Variants in GAS7 observed in about 807,000 individuals in gnomAD.
GAS7 encodes growth arrest-specific protein 7.
Under a neutral mutation model 71.1 loss-of-function variants are expected in GAS7, and 28 were observed. The observed-to-expected ratio is 0.39, with a 90% CI of 0.29 to 0.54. GAS7 has a LOEUF of 0.54. GAS7 is among the 20% of genes least tolerant of loss of function. The pLI, the probability that GAS7 is intolerant of heterozygous loss-of-function variation, is 0.62. For missense variants in GAS7, 436 were observed against 627.8 expected (o/e 0.69, Z 3.27); for synonymous variants, 258 against 245.8 (o/e 1.05, Z -0.46).
intron 1 of GAS7, among the ~76,000 whole-genome samples, chr17:10,129,690 C>A (rs1399671404): frequency 6.6e-6 from 1 of 152,042 alleles, no homozygotes; most frequent in Non-Finnish European, 1.5e-5. Context: ...CTTTTGTGTT[C>A]CAAAGGACAT....
At chr17:9,996,389 G>A (rs997056006) in intron 2 of GAS7, among the ~76,000 whole-genome samples, 1 of 146,992 alleles carries the variant, frequency 6.8e-6, no homozygotes, top group African/African-American at 2.5e-5. Flanking sequence ...CAGGGACACA[G>A]GAAGGGGAAC....
intron 4 of GAS7, among the ~76,000 whole-genome samples, chr17:9,965,621 T>C (rs563538948): frequency 6.6e-6 from 1 of 152,292 alleles, no homozygotes; most frequent in East Asian, 1.9e-4. Context: ...ATGGCACATG[T>C]GTACCTATGT....
intron 1 of GAS7, among the ~76,000 whole-genome samples, chr17:10,155,658 C>G (rs373034393): frequency 6.6e-6 from 1 of 152,284 alleles, no homozygotes; most frequent in African/African-American, 2.4e-5. Flanking sequence ...TTCTGGTCCT[C>G]CCACTCCCAT....
intron 1 of GAS7, among the ~76,000 whole-genome samples, chr17:10,138,079 C>G (rs62064574): frequency 0.11 from 16,686 of 152,050 alleles, 1,178 homozygotes; most frequent in Non-Finnish European, 0.16. Flanking sequence ...TCTCCTGCCT[C>G]AGCCTCCCGA....
chr17:10,147,881 C>T (rs1247780303), intron 1 of GAS7, among the ~76,000 whole-genome samples: 1 of 152,164 alleles, frequency 6.6e-6, no homozygotes, highest in Non-Finnish European at 1.5e-5. Flanking sequence ...GAGTACAGAA[C>T]TCCAAGTCAA....
intron 1 of GAS7, among the ~76,000 whole-genome samples, chr17:10,132,525 G>T (rs992487821): frequency 2.0e-5 from 3 of 152,172 alleles, no homozygotes; most frequent in Non-Finnish European, 4.4e-5. Context: ...CAGCACTTTG[G>T]GAGGCCGAGG....
At chr17:10,005,136 TGCGCGC>T (rs2071437664) in intron 2 of GAS7, among the ~76,000 whole-genome samples, 2 of 145,582 alleles carry the variant, frequency 1.4e-5, no homozygotes, top group Non-Finnish European at 3.1e-5. Flanking sequence ...CCAGCATGTG[TGCGCGC>T]ACGCATGCAT....
chr17:10,018,509 C>T (rs775841135), intron 2 of GAS7, among the ~76,000 whole-genome samples: 3 of 152,168 alleles, frequency 2.0e-5, no homozygotes, highest in East Asian at 1.9e-4. Context: ...TTCAAGTCTC[C>T]GGTAACAGTG....
chr17:9,982,148 G>C (rs2152130523), intron 2 of GAS7, among the ~76,000 whole-genome samples: 1 of 152,248 alleles, frequency 6.6e-6, no homozygotes, highest in Non-Finnish European at 1.5e-5. Flanking sequence ...GGGCCAGAAG[G>C]AGATGGACTT....
intron 1 of GAS7, among the ~76,000 whole-genome samples, chr17:10,161,532 T>C (rs2074256195): frequency 6.6e-6 from 1 of 152,186 alleles, no homozygotes; most frequent in South Asian, 2.1e-4. Flanking sequence ...GTAACAGGAT[T>C]TTACCATGTC....
At chr17:10,140,082 C>T (rs752458555) in intron 1 of GAS7, among the ~76,000 whole-genome samples, 3 of 152,216 alleles carry the variant, frequency 2.0e-5, no homozygotes, top group Non-Finnish European at 2.9e-5. Context: ...CAAGCTCCAG[C>T]ATCAGACATT....
chr17:10,030,632 A>G (rs1356993610), intron 1 of GAS7, among the ~76,000 whole-genome samples: 2 of 152,224 alleles, frequency 1.3e-5, no homozygotes, highest in African/African-American at 4.8e-5. Flanking sequence ...CCTTCTTATT[A>G]GAAATCACCT....
At chr17:10,059,207 G>T (rs2073188960) in intron 1 of GAS7, among the ~76,000 whole-genome samples, 1 of 152,146 alleles carries the variant, frequency 6.6e-6, no homozygotes, top group South Asian at 2.1e-4. Context: ...TAGAACCTGG[G>T]GGAACTGTAT....
chr17:10,081,657 A>C (rs945786294), intron 1 of GAS7, among the ~76,000 whole-genome samples: 56 of 152,370 alleles, frequency 3.7e-4, no homozygotes, highest in African/African-American at 1.3e-3. Context: ...CAAATGGTAA[A>C]TAAACATTTG....
intron 1 of GAS7, among the ~76,000 whole-genome samples, chr17:10,077,638 TTGACTCTCAA>T (rs2073409678): frequency 6.6e-6 from 1 of 152,092 alleles, no homozygotes; most frequent in Non-Finnish European, 1.5e-5. Context: ...AAACAACGGG[TTGACTCTCAA>T]GGCAAACTAG....
chr17:9,987,300 T>C (rs2070685154), intron 2 of GAS7, among the ~76,000 whole-genome samples: 1 of 152,090 alleles, frequency 6.6e-6, no homozygotes, highest in Admixed American at 6.6e-5. Flanking sequence ...CCCACCTAAT[T>C]CACACAAAAC....
At position 10,002,998 on chromosome 17, in the gene GAS7, C is replaced by G. The variant is rs1459049495; in HGVS notation, c.304+16779G>C. 3.9e-5 allele frequency among the ~76,000 whole-genome samples: 6 copies of G among 152,348 alleles called. No individual in the cohort carries two copies. The East Asian group carries it at 1.2e-3, about 29-fold the overall frequency. On this transcript the variant is annotated intron_variant, in intron 2 of 13. Transcript: ENST00000432992. ...GAGGAATTGCCACACTGGAAGACCA[C>G]ATCTTAACTTGATCATTTGCAAAGA...
intron 2 of GAS7, among the ~76,000 whole-genome samples, chr17:9,997,623 T>C (rs565628588): frequency 3.9e-5 from 6 of 152,168 alleles, no homozygotes; most frequent in Admixed American, 3.9e-4. Context: ...TACCTGGAGA[T>C]AGCATCAGAT....
chr17:10,138,245 G>GT (rs1567606984), intron 1 of GAS7, among the ~76,000 whole-genome samples: 1 of 152,036 alleles, frequency 6.6e-6, no homozygotes, highest in Non-Finnish European at 1.5e-5. Flanking sequence ...GATTACAGGC[G>GT]TGAGCCACCA....
Sources: allele counts gnomAD v4.1 joint callset (sites outside exome capture counted in the v4.1 genomes callset), GRCh38; gene constraint gnomAD v4.1.1; transcripts MANE v1.5; gene names NCBI Gene and HGNC (gene_info 2026-07-23, HGNC 2026-07-21).